The following SIMC1 variants were observed in gnomAD, a reference collection of about 807,000 sequenced individuals.
SIMC1 encodes the protein SUMO interacting motifs containing 1.
In SIMC1, 55 loss-of-function variants were observed where a neutral mutation model predicts 82.3. The ratio of observed to expected loss-of-function variants is 0.67; its 90% CI spans 0.54 to 0.84. SIMC1 has a LOEUF of 0.84. Ranked by LOEUF, SIMC1 falls within the 40% of genes least tolerant of loss-of-function variation. The pLI is 0.00. For synonymous variants in SIMC1, 353 were observed against 426.3 expected (o/e 0.83, Z 2.12); for missense variants, 915 against 1,107.2 (o/e 0.83, Z 2.46).
chr5:176,309,149 A>G (rs1764551160), intron 4 of SIMC1: 1 of 610,486 alleles, frequency 1.6e-6, no homozygotes, highest in African/African-American at 1.8e-5. Flanking sequence ...AGTAATCAAG[A>G]TAGATGGTAT....
chr5:176,257,729 G>A (rs953612195), intron 1 of SIMC1, among the ~76,000 whole-genome samples: 2 of 152,082 alleles, frequency 1.3e-5, no homozygotes, highest in African/African-American at 4.8e-5. Flanking sequence ...AAATGTCCTG[G>A]CTATTTGTAC....
At chr5:176,281,178 A>G (rs1470802216) in intron 1 of SIMC1, among the ~76,000 whole-genome samples, 1 of 151,842 alleles carries the variant, frequency 6.6e-6, no homozygotes, top group Non-Finnish European at 1.5e-5. Context: ...CATTTCATTC[A>G]TTTCATCTTC....
chr5:176,250,562 G>T (rs1474103174), intron 1 of SIMC1, among the ~76,000 whole-genome samples: 1 of 152,188 alleles, frequency 6.6e-6, no homozygotes, highest in Non-Finnish European at 1.5e-5. Flanking sequence ...ACAGTGGGGT[G>T]TTAAAATCTC....
chr5:176,301,718 G>A (rs2113299317), intron 4 of SIMC1, among the ~76,000 whole-genome samples: 1 of 151,830 alleles, frequency 6.6e-6, no homozygotes, highest in Middle Eastern at 3.4e-3. Context: ...GGCAGGGGTT[G>A]CAGTGAGGCA....
In SIMC1 at chr5:176,294,982, AAAAAG is replaced by A. The variant is rs758425538; in HGVS notation, c.1432-39_1432-35del. The A allele has an allele frequency of 1.2e-4, 191 of 1,539,350 alleles. No individual in the cohort carries two copies. In the East Asian group the frequency reaches 3.3e-3, roughly 26 times the overall value. ...TCCGTCTCAAAAAAAAAAAAAAAAAAAAAAGAAAAGAAATCCCTCCTAATTTCCTT... is the reference window on the plus strand; with the variant it reads ...TCCGTCTCAAAAAAAAAAAAAAAAAAAAAAGAAATCCCTCCTAATTTCCTT... On this transcript the variant is annotated intron_variant, in intron 2 of 9. Transcript: ENST00000429602.
intron 1 of SIMC1, among the ~76,000 whole-genome samples, chr5:176,274,798 C>A (rs1280841195): frequency 6.6e-6 from 1 of 151,714 alleles, no homozygotes; most frequent in East Asian, 1.9e-4. Flanking sequence ...TCAGGTTTGT[C>A]AAAGATCAGA....
chr5:176,255,054 A>AT (rs1199629839), intron 1 of SIMC1, among the ~76,000 whole-genome samples: 1 of 151,770 alleles, frequency 6.6e-6, no homozygotes, highest in Non-Finnish European at 1.5e-5. Context: ...AGGTGAGCAG[A>AT]TCACCTGAGG....
intron 1 of SIMC1, among the ~76,000 whole-genome samples, chr5:176,245,083 A>G (rs1316033796): frequency 2.0e-5 from 3 of 152,200 alleles, no homozygotes; most frequent in Admixed American, 6.5e-5. Flanking sequence ...GTGGAACTGT[A>G]TCTCCTAAAA....
intron 1 of SIMC1, among the ~76,000 whole-genome samples, chr5:176,272,407 G>C (rs897504752): frequency 6.6e-6 from 1 of 151,996 alleles, no homozygotes; most frequent in African/African-American, 2.4e-5. Context: ...ATACAGATTG[G>C]AAAGGAAGTA....
Position 176,345,668 on chromosome 5 carries a change from T to A in SIMC1, c.*223T>A, listed in dbSNP as rs1766435286. The A allele has an allele frequency of 7.1e-6, 2 of 282,414 alleles. No individual in the cohort carries two copies. The highest frequency in any genetic ancestry group is 1.3e-5 in the Non-Finnish European group (2 of 157,508). The allele number at this position is 282,414 out of a possible 1,614,324, so 17.5% of individuals were successfully genotyped here. On this transcript the variant is annotated 3_prime_UTR_variant, in exon 10 of 10. Transcript: ENST00000429602. ...AAATATACAAGGTATATATATTTTT[T>A]AATAAATTATTTATCTATACTTTTT...
At chr5:176,324,143 A>G (rs1765278006) in intron 6 of SIMC1, among the ~76,000 whole-genome samples, 2 of 152,184 alleles carry the variant, frequency 1.3e-5, no homozygotes, top group South Asian at 4.1e-4. Context: ...AGGTTCCACC[A>G]GGGGAGGTTC....
intron 4 of SIMC1, chr5:176,309,017 A>G: frequency 1.3e-6 from 1 of 792,888 alleles, no homozygotes; most frequent in Middle Eastern, 2.4e-4. Flanking sequence ...GGAATAAAGC[A>G]GGAGACAAAA....
At chr5:176,322,511 C>A in intron 6 of SIMC1, 86 bp downstream of exon 6, 1 of 1,391,684 alleles carries the variant, frequency 7.2e-7, no homozygotes, top group South Asian at 1.6e-5. Flanking sequence ...AGCAGCTTCC[C>A]CCAAATTAAC....
At chr5:176,303,193 G>A (rs55679261) in intron 4 of SIMC1, among the ~76,000 whole-genome samples, 10 of 151,196 alleles carry the variant, frequency 6.6e-5, no homozygotes, top group Non-Finnish European at 1.3e-4. Context: ...GCTTGAACTC[G>A]GGAGGCAGAG....
intron 1 of SIMC1, chr5:176,270,379 CTTTCT>C (rs1038570039): frequency 2.0e-5 from 3 of 151,990 alleles, no homozygotes; most frequent in Admixed American, 6.6e-5. Context: ...ATCTGAAATT[CTTTCT>C]TTTAAGTTCA....
At chr5:176,277,889 TC>T (rs1179225606) in intron 1 of SIMC1, among the ~76,000 whole-genome samples, 1 of 151,272 alleles carries the variant, frequency 6.6e-6, no homozygotes, top group East Asian at 1.9e-4. Context: ...GCGTGATGCC[TC>T]CAGCTTTGTT....
At chr5:176,268,963 G>A (rs937467742) in intron 1 of SIMC1, among the ~76,000 whole-genome samples, 4 of 152,186 alleles carry the variant, frequency 2.6e-5, no homozygotes, top group African/African-American at 7.2e-5. Flanking sequence ...ATCTTACAGA[G>A]TATGTTTTCT....
intron 7 of SIMC1, among the ~76,000 whole-genome samples, chr5:176,335,504 C>T (rs1157881297): frequency 6.6e-6 from 1 of 151,672 alleles, no homozygotes; most frequent in Non-Finnish European, 1.5e-5. Flanking sequence ...TCTCGAACTC[C>T]TGAGCTCAGG....
At chr5:176,304,804 T>G (rs2113310716) in intron 4 of SIMC1, among the ~76,000 whole-genome samples, 4 of 143,604 alleles carry the variant, frequency 2.8e-5, no homozygotes, top group Non-Finnish European at 1.5e-5. Flanking sequence ...CGGCTGCCCA[T>G]TGTCTGAGAT....
Sources: allele counts gnomAD v4.1 joint callset (sites outside exome capture counted in the v4.1 genomes callset), GRCh38; gene constraint gnomAD v4.1.1; transcripts MANE v1.5; gene names NCBI Gene and HGNC (gene_info 2026-07-23, HGNC 2026-07-21).